Variants in TENM1 observed in about 807,000 individuals in gnomAD.
TENM1 encodes the protein teneurin-1.
TENM1 carries 35 observed loss-of-function variants against 174.8 expected under a neutral mutation model. That is an observed-to-expected ratio of 0.20 (90% CI 0.15 to 0.27). TENM1 has a LOEUF of 0.27. TENM1 is among the 10% of genes least tolerant of loss of function. The probability of loss-of-function intolerance (pLI) is 1.00; values close to 1 mark genes in which losing one functional copy is unlikely to be tolerated. For synonymous variants in TENM1, 781 were observed against 798.7 expected, an observed-to-expected ratio of 0.98 and a Z score of 0.37; for missense variants, 1,633 against 2,130.1, an observed-to-expected ratio of 0.77 and a Z score of 4.59.
chrX:125,201,327 C>T, the TENM1 span, among the ~76,000 whole-genome samples: 22 of 112,107 alleles, frequency 2.0e-4, no homozygotes, highest in Admixed American at 1.1e-3. Context: ...ATGTATAATA[C>T]AATTTTATTT....
chrX:124,865,625 A>T (rs941418792), intron 3 of TENM1, among the ~76,000 whole-genome samples: 3 of 111,638 alleles, frequency 2.7e-5, no homozygotes, highest in African/African-American at 9.7e-5. Context: ...CTTAACAACT[A>T]AAAGACAAAT....
chrX:124,818,266 CG>C (rs1327228099), intron 3 of TENM1, among the ~76,000 whole-genome samples: 1 of 111,276 alleles, frequency 9.0e-6, no homozygotes, highest in African/African-American at 3.3e-5. Context: ...AACTGTTTTC[CG>C]TAACTGTTGT....
At chrX:125,024,385 C>CCACACACA in the TENM1 span, among the ~76,000 whole-genome samples, 1 of 105,584 alleles carries the variant, frequency 9.5e-6, no homozygotes, top group African/African-American at 3.5e-5. Context: ...CACACACACA[C>CCACACACA]CACACACACA....
chrX:124,956,451 C>A (rs1180347319), intron 1 of TENM1, among the ~76,000 whole-genome samples: 1 of 112,073 alleles, frequency 8.9e-6, no homozygotes, highest in Non-Finnish European at 1.9e-5. Context: ...CTGGTCTCAA[C>A]AGGGGAAAGA....
the TENM1 span, among the ~76,000 whole-genome samples, chrX:125,004,195 C>A: frequency 9.0e-6 from 1 of 111,662 alleles, no homozygotes; most frequent in African/African-American, 3.3e-5. Context: ...AGCCTTGTTA[C>A]AACACAGGTT....
chrX:124,834,217 G>A (rs2147339877), intron 3 of TENM1, among the ~76,000 whole-genome samples: 1 of 111,896 alleles, frequency 8.9e-6, no homozygotes, highest in African/African-American at 3.2e-5. Context: ...TGTTGCCCAG[G>A]CTGGAGAGCA....
At chrX:124,651,418 T>TTTGAA (rs2051307227) in intron 8 of TENM1, among the ~76,000 whole-genome samples, 1 of 111,919 alleles carries the variant, frequency 8.9e-6, no homozygotes, top group African/African-American at 3.2e-5. Flanking sequence ...ATGTCTCAAG[T>TTTGAA]TATTATCCTT....
intron 3 of TENM1, among the ~76,000 whole-genome samples, chrX:124,823,916 A>G (rs1366724532): frequency 1.8e-5 from 2 of 111,599 alleles, no homozygotes; most frequent in African/African-American, 6.5e-5. Flanking sequence ...ATCATCACAT[A>G]GATACTGTTT....
the TENM1 span, among the ~76,000 whole-genome samples, chrX:125,198,503 T>A: frequency 9.0e-6 from 1 of 111,673 alleles, no homozygotes; most frequent in African/African-American, 3.2e-5. Flanking sequence ...AATGCACAAA[T>A]CAAACTTCTC....
At chrX:124,381,076 A>G (rs1246041627) in exon 32 of TENM1, 6 of 1,210,245 alleles carry the variant, frequency 5.0e-6, no homozygotes, top group Non-Finnish European at 6.7e-6. Context: ...GCCGCCTGCT[A>G]TCTTCATTGG....
chrX:124,532,640 T>TA (rs1483426317), intron 15 of TENM1, among the ~76,000 whole-genome samples: 2 of 112,097 alleles, frequency 1.8e-5, no homozygotes, highest in Non-Finnish European at 3.8e-5. Context: ...TCATCACTCA[T>TA]AAATAATGCT....
chrX:125,125,330 AAT>A, the TENM1 span, among the ~76,000 whole-genome samples: 1 of 112,054 alleles, frequency 8.9e-6, no homozygotes, highest in African/African-American at 3.2e-5. Flanking sequence ...ATCTAATCCA[AAT>A]ATGATTTTTA....
intron 18 of TENM1, among the ~76,000 whole-genome samples, chrX:124,518,916 G>T (rs147144252): frequency 0.013 from 1,462 of 111,920 alleles, 18 homozygotes; most frequent in Non-Finnish European, 0.021. Flanking sequence ...GCCTTACAAG[G>T]GTGTTCTGGA....
chrX:124,660,131 C>G (rs762194702), intron 6 of TENM1, among the ~76,000 whole-genome samples: 5 of 111,005 alleles, frequency 4.5e-5, no homozygotes, highest in African/African-American at 1.6e-4. Flanking sequence ...ATAAATTGAA[C>G]TGGGAGGCCG....
chrX:125,177,257 T>C, the TENM1 span, among the ~76,000 whole-genome samples: 1 of 112,112 alleles, frequency 8.9e-6, no homozygotes, highest in South Asian at 3.7e-4. Flanking sequence ...AAAATTAAAT[T>C]TCATGTGCAG....
chrX:124,850,787 G>T (rs2147396827), intron 3 of TENM1, among the ~76,000 whole-genome samples: 1 of 110,857 alleles, frequency 9.0e-6, no homozygotes, highest in South Asian at 3.8e-4. Flanking sequence ...AAAAAAACAA[G>T]AATACTAGGA....
chrX:124,722,578 C>T (rs1038017540), intron 4 of TENM1, among the ~76,000 whole-genome samples: 5 of 110,826 alleles, frequency 4.5e-5, no homozygotes, highest in Non-Finnish European at 9.5e-5. Context: ...TGGTGGCTCA[C>T]GCCTGTAATC....
At chrX:124,457,428 T>C (rs766759147) in intron 22 of TENM1, among the ~76,000 whole-genome samples, 1 of 111,993 alleles carries the variant, frequency 8.9e-6, no homozygotes, top group African/African-American at 3.2e-5. Context: ...TAGGGGATAT[T>C]ATATAATATC....
At chrX:125,070,324 G>A in the TENM1 span, among the ~76,000 whole-genome samples, 4 of 111,422 alleles carry the variant, frequency 3.6e-5, no homozygotes, top group Non-Finnish European at 7.5e-5. Flanking sequence ...CCACTTGCAT[G>A]TTTTCTTTTG....
Sources: allele counts gnomAD v4.1 joint callset (sites outside exome capture counted in the v4.1 genomes callset), GRCh38; gene constraint gnomAD v4.1.1; transcripts MANE v1.5; gene names NCBI Gene and HGNC (gene_info 2026-07-23, HGNC 2026-07-21).